The following YWHAQ variants were observed in gnomAD, a reference collection of about 807,000 sequenced individuals.
YWHAQ encodes tyrosine 3-monooxygenase/tryptophan 5-monooxygenase activation protein theta.
In YWHAQ, 6 loss-of-function variants were observed where a neutral mutation model predicts 28.3. The ratio of observed to expected loss-of-function variants is 0.21; its 90% CI spans 0.12 to 0.42. YWHAQ has a LOEUF of 0.42. Among genes scored for constraint, YWHAQ ranks in the 10% least tolerant of loss-of-function variants. YWHAQ has a pLI of 1.00. For missense variants in YWHAQ, 201 were observed against 305.6 expected (o/e 0.66, Z 2.55); for synonymous variants, 143 against 119.1 (o/e 1.20, Z -1.31).
chr2:9,626,218 G>T (rs1667244868), intron 2 of YWHAQ, among the ~76,000 whole-genome samples: 1 of 152,208 alleles, frequency 6.6e-6, no homozygotes, highest in African/African-American at 2.4e-5. Flanking sequence ...TGATGTACAG[G>T]AGAGGATAAT....
chr2:9,593,601 A>T (rs1666502817), intron 2 of YWHAQ, among the ~76,000 whole-genome samples: 1 of 151,952 alleles, frequency 6.6e-6, no homozygotes, highest in Non-Finnish European at 1.5e-5. Flanking sequence ...CAGAGGCAAG[A>T]GGATTGCCTG....
At chr2:9,592,340 G>T (rs1288076623) in intron 2 of YWHAQ, among the ~76,000 whole-genome samples, 1 of 152,112 alleles carries the variant, frequency 6.6e-6, no homozygotes, top group Non-Finnish European at 1.5e-5. Flanking sequence ...TACATGGTAT[G>T]CTATGCCTTG....
chr2:9,624,688 G>C (rs1366234667), intron 2 of YWHAQ, among the ~76,000 whole-genome samples: 4 of 152,098 alleles, frequency 2.6e-5, no homozygotes, highest in South Asian at 2.1e-4. Context: ...AGTGGGGAGT[G>C]GGTAAAATCA....
At chr2:9,623,531 T>C (rs1311426746) in intron 2 of YWHAQ, among the ~76,000 whole-genome samples, 1 of 152,164 alleles carries the variant, frequency 6.6e-6, no homozygotes, top group Non-Finnish European at 1.5e-5. Context: ...CCCAGCACTT[T>C]GGGAAGCCGA....
intron 4 of YWHAQ, 86 bp from the exon 5 acceptor site, chr2:9,587,595 G>A: frequency 8.6e-7 from 1 of 1,157,208 alleles, no homozygotes; most frequent in Non-Finnish European, 1.2e-6. Context: ...TACAAAATAA[G>A]TGAACACCCA....
chr2:9,596,796 C>T (rs540922328), intron 2 of YWHAQ, among the ~76,000 whole-genome samples: 3 of 152,226 alleles, frequency 2.0e-5, no homozygotes, highest in East Asian at 3.9e-4. Context: ...CTTCGCCTCC[C>T]GGTTCAAGCG....
At chr2:9,588,035 AAG>A in intron 4 of YWHAQ, 128 bp downstream of exon 4, 1 of 1,160,806 alleles carries the variant, frequency 8.6e-7, no homozygotes, top group Non-Finnish European at 1.2e-6. Flanking sequence ...TGGGAAGAAA[AAG>A]AGGAGATTTC....
At chr2:9,600,649 G>A (rs1401722257) in intron 2 of YWHAQ, among the ~76,000 whole-genome samples, 3 of 152,068 alleles carry the variant, frequency 2.0e-5, no homozygotes, top group Non-Finnish European at 2.9e-5. Flanking sequence ...AGGTTGTGGT[G>A]AGCCGAGGTC....
rs1324629717 is a variant in YWHAQ, at chr2:9,630,551, C to T, written c.-82-17G>A. 4 of 1,235,106 alleles carry T rather than the reference C, an allele frequency of 3.2e-6. No homozygotes were observed. In the Admixed American group the frequency reaches 8.9e-5, roughly 28 times the overall value. The allele number at this position is 1,235,106 out of a possible 1,614,324, so 76.5% of individuals were successfully genotyped here. On this transcript the variant is annotated splice_polypyrimidine_tract_variant and intron_variant, in intron 1 of 5. Coordinates refer to ENST00000238081, the MANE Select transcript of YWHAQ (RefSeq NM_006826.4). The surrounding 1 kb of genome is among the most constrained non-coding windows in gnomAD (Gnocchi z 5.6). ...CCTCGAGAGCTGCGGAGGGGCGGGGCGGCGAGGCGAGAACAAAAAGCAGAG... is the reference window on the plus strand; with the variant it reads ...CCTCGAGAGCTGCGGAGGGGCGGGGTGGCGAGGCGAGAACAAAAAGCAGAG...
At chr2:9,606,867 ACAACT>A (rs1284452320) in intron 2 of YWHAQ, among the ~76,000 whole-genome samples, 1 of 151,564 alleles carries the variant, frequency 6.6e-6, no homozygotes, top group Non-Finnish European at 1.5e-5. Context: ...GTCTGGCAAC[ACAACT>A]GCATTTAATA....
intron 2 of YWHAQ, among the ~76,000 whole-genome samples, chr2:9,624,227 G>C (rs546526431): frequency 1.3e-3 from 192 of 152,328 alleles, no homozygotes; most frequent in Non-Finnish European, 2.2e-3. Flanking sequence ...CTGCACTCCA[G>C]CCTAGGCCAC....
rs1334455220 is a variant in YWHAQ, at chr2:9,584,435, A to C, written c.*851T>G. ...ACTGGACACCCTCTCACATGTGCAC[A>C]AATCTGCATGGAAAAGTACTAAAGT... is the stretch of plus-strand genomic sequence containing the variant. On this transcript the variant is annotated 3_prime_UTR_variant, in exon 6 of 6. Coordinates refer to ENST00000238081, the MANE Select transcript of YWHAQ (RefSeq NM_006826.4). The C allele has an allele frequency of 6.5e-6, 1 of 152,678 alleles. No homozygotes were observed. The allele number at this position is 152,678 out of a possible 1,614,324, so 9.5% of individuals were successfully genotyped here. A position where few individuals can be genotyped will look rare whatever the true frequency, so the allele number is the denominator to read the frequency against.
In YWHAQ at chr2:9,585,280, A is replaced by G; in HGVS notation, c.*6T>C. The G allele has an allele frequency of 6.2e-7, 1 of 1,614,092 alleles. No individual in the cohort carries two copies. The highest frequency in any genetic ancestry group is 8.5e-7 in the Non-Finnish European group (1 of 1,179,982). On this transcript the variant is annotated 3_prime_UTR_variant, in exon 6 of 6. Coordinates refer to ENST00000238081, the MANE Select transcript of YWHAQ (RefSeq NM_006826.4). ...GAAGGAAAGAAGGATGACACCCTGT[A>G]TGGATTTAGTTTTCAGCCCCTTCTG...
chr2:9,607,308 C>G (rs1329264590), intron 2 of YWHAQ, among the ~76,000 whole-genome samples: 2 of 150,778 alleles, frequency 1.3e-5, no homozygotes, highest in Non-Finnish European at 2.9e-5. Context: ...TCAAGTGATT[C>G]TCCTGCCTCA....
intron 2 of YWHAQ, among the ~76,000 whole-genome samples, chr2:9,614,577 C>G (rs77661177): frequency 2.6e-5 from 4 of 152,116 alleles, no homozygotes; most frequent in Non-Finnish European, 4.4e-5. Context: ...TTGCATTAAA[C>G]AAAAATAGGT....
At position 9,625,756 on chromosome 2, in the gene YWHAQ, T is replaced by G. The variant is rs1667236780; in HGVS notation, c.294+4403A>C. Among the ~76,000 whole-genome samples the G allele has an allele frequency of 4.6e-5, 7 of 152,328 alleles. No homozygotes were observed. The South Asian group carries it at 1.4e-3, about 32-fold the overall frequency. ...GTGAATACCTGGTAAATGTTAATTA[T>G]GAGCCATTATTCTAACTACAAGCCC... On this transcript the variant is annotated intron_variant, in intron 2 of 5. Transcript: ENST00000238081.
At chr2:9,610,766 G>A (rs984104535) in intron 2 of YWHAQ, among the ~76,000 whole-genome samples, 1 of 152,020 alleles carries the variant, frequency 6.6e-6, no homozygotes, top group Non-Finnish European at 1.5e-5. Flanking sequence ...CCTCGGCCTC[G>A]GAAAGTGCTG....
In YWHAQ at chr2:9,630,238, G is replaced by C. The variant is rs1667336019; in HGVS notation, c.215C>G (p.Ser72Cys). 2 of 1,614,006 alleles carry C rather than the reference G, an allele frequency of 1.2e-6. No individual in the cohort carries two copies. The highest frequency in any genetic ancestry group is 1.3e-5 in the African/African-American group (1 of 74,932). ...ISSIEQKTDT[S>C]DKKLQLIKDY... ...CTTAATCAGCTGCAACTTCTTGTCG[G>C]AGGTGTCGGTCTTCTGCTCGATGCT... The change falls in exon 2 of 6, where the codon TCC becomes TGC. Residue 72 changes from serine (S) to cysteine (C), a missense_variant. Physicochemically the swap from Ser to Cys is moderately radical, Grantham distance 112. Coordinates refer to ENST00000238081, the MANE Select transcript of YWHAQ (RefSeq NM_006826.4). This position sits in a 1 kb window ranked among gnomAD's most constrained non-coding sequence, Gnocchi z 5.6.
chr2:9,627,125 T>C (rs1667262877), intron 2 of YWHAQ, among the ~76,000 whole-genome samples: 3 of 152,242 alleles, frequency 2.0e-5, no homozygotes, highest in South Asian at 4.1e-4. Flanking sequence ...CTTCCACGGT[T>C]CAGTAACCTC....
Sources: allele counts gnomAD v4.1 joint callset (sites outside exome capture counted in the v4.1 genomes callset), GRCh38; gene constraint gnomAD v4.1.1; non-coding constraint Gnocchi (gnomAD v3.1); transcripts MANE v1.5; gene names NCBI Gene and HGNC (gene_info 2026-07-23, HGNC 2026-07-21).